The following TRPV2 variants were observed in gnomAD, a reference collection of about 807,000 sequenced individuals.
The protein encoded by TRPV2 is transient receptor potential cation channel subfamily V member 2, also known as OTRPC2.
In TRPV2, 58 loss-of-function variants were observed where a neutral mutation model predicts 91.0. The observed-to-expected ratio is 0.64, with a 90% CI of 0.52 to 0.79. TRPV2 has a LOEUF of 0.79. Ranked by LOEUF, TRPV2 falls within the 30% of genes least tolerant of loss-of-function variation. The probability of loss-of-function intolerance (pLI) is 0.00; values close to 1 mark genes in which losing one functional copy is unlikely to be tolerated. For missense variants in TRPV2, 807 were observed against 969.6 expected, an observed-to-expected ratio of 0.83 and a Z score of 2.23; for synonymous variants, 417 against 414.8, an observed-to-expected ratio of 1.01 and a Z score of -0.06.
chr17:16,425,641 T>C (rs8079010), intron 5 of TRPV2, among the ~76,000 whole-genome samples: 92,264 of 152,098 alleles, frequency 0.61, 28,607 homozygotes, highest in Non-Finnish European at 0.67. Flanking sequence ...GAAAGCAGTG[T>C]CCTGATCTGT....
intron 2 of TRPV2, 26 bp from the exon 3 acceptor site, chr17:16,420,089 T>C: frequency 6.2e-7 from 1 of 1,603,972 alleles, no homozygotes; most frequent in Non-Finnish European, 8.5e-7. Context: ...TTCTCCAGCA[T>C]GAGTCACAAA....
intron 12 of TRPV2, 50 bp from the exon 13 acceptor site, chr17:16,433,524 C>T (rs773934778): frequency 1.2e-6 from 2 of 1,601,772 alleles, no homozygotes; most frequent in African/African-American, 1.3e-5. Context: ...GTGCCTTTGC[C>T]CCCAGGCAGG....
rs879004103 is a variant in TRPV2 at position 16,433,485 on chromosome 17, G to A, written c.1990-89G>A. On this transcript the variant is annotated intron_variant, in intron 12 of 14. Transcript: ENST00000338560. ...TTCGCGTTATACTGTGAAGTGCTGCGCGGCACTTCCCTGCTCCGCTTGCCT... is the reference window on the plus strand; with the variant it reads ...TTCGCGTTATACTGTGAAGTGCTGCACGGCACTTCCCTGCTCCGCTTGCCT... 7.1e-6 allele frequency: 11 copies of A among 1,543,702 alleles called. No individual in the cohort carries two copies. The Admixed American group carries it at 1.1e-4, about 16-fold the overall frequency.
intron 5 of TRPV2, among the ~76,000 whole-genome samples, chr17:16,424,470 A>T (rs937294587): frequency 6.6e-6 from 1 of 151,192 alleles, no homozygotes; most frequent in Non-Finnish European, 1.5e-5. Flanking sequence ...AATTTTTTGT[A>T]TTTTTAGTAG....
At position 16,431,813 on chromosome 17, in the gene TRPV2, T is replaced by G. The variant is rs2142998407; in HGVS notation, c.1617T>G (p.Leu539=). ...KVILRDLLRF[L]LIYLVFLFGF... ...TCCTGCGGGACCTGCTGCGCTTCCT[T>G]CTGATCTACTTAGTCTTCCTTTTCG... The change falls in exon 11 of 15, where the codon CTT becomes CTG. Residue 539 remains leucine, a synonymous_variant. Transcript: ENST00000338560. 8.1e-6 allele frequency: 13 copies of G among 1,614,102 alleles called. No individual in the cohort carries two copies. Among genetic ancestry groups the G allele is most frequent in the Non-Finnish European group, 1.1e-5 (13 of 1,179,988 alleles).
chr17:16,423,755 G>A lies in TRPV2; in HGVS notation c.912G>A (p.Glu304=). 1.3e-6 allele frequency: 2 copies of A among 1,579,926 alleles called. No individual in the cohort carries two copies. Among genetic ancestry groups the A allele is most frequent in the Non-Finnish European group, 1.7e-6 (2 of 1,158,780 alleles). The change falls in exon 5 of 15, where the codon GAG becomes GAA. Residue 304 remains glutamate, a synonymous_variant. Coordinates refer to ENST00000338560, the MANE Select transcript of TRPV2 (RefSeq NM_016113.5). ...DLTPLKLAAK[E]GKIEIFRHIL... ...CGCCTCTGAAGCTGGCCGCCAAGGA[G>A]GGCAAGATCGAGGTGAGCGGCTGTC...
At chr17:16,418,168 A>G (rs1034316787) in intron 2 of TRPV2, among the ~76,000 whole-genome samples, 5 of 151,742 alleles carry the variant, frequency 3.3e-5, no homozygotes, top group Non-Finnish European at 7.4e-5. Context: ...GTTCATGCCA[A>G]CTCCCACCCC....
At chr17:16,434,467 CAAA>C (rs10634588) in intron 13 of TRPV2, among the ~76,000 whole-genome samples, 2 of 109,760 alleles carry the variant, frequency 1.8e-5, no homozygotes. Flanking sequence ...GACTCCATCT[CAAA>C]AAAAAAAAAA....
Position 16,435,049 on chromosome 17 carries a change from G to GTCCT in TRPV2, c.2194+80_2194+81insTCCT. The GTCCT allele has an allele frequency of 3.1e-6, 4 of 1,281,112 alleles. No homozygotes were observed. The highest frequency in any genetic ancestry group is 4.3e-6 in the Non-Finnish European group (4 of 931,286). The allele number at this position is 1,281,112 out of a possible 1,614,324, so 79.4% of individuals were successfully genotyped here. ...GGCCACAAAGCCTTGGAGAGTCTGG[G>GTCCT]GCAGGACCCAGAGACCTCCTCATAG... On this transcript the variant is annotated intron_variant, in intron 14 of 14. Transcript: ENST00000338560. This position sits in a 1 kb window ranked among gnomAD's most constrained non-coding sequence, Gnocchi z 4.2.
chr17:16,425,881 C>T (rs1018028108), intron 5 of TRPV2, among the ~76,000 whole-genome samples: 7 of 152,268 alleles, frequency 4.6e-5, no homozygotes, highest in African/African-American at 1.4e-4. Flanking sequence ...GAAGGAAGAG[C>T]CAGGCTGGCT....
chr17:16,436,500 T>TC (rs1248117514), intron 14 of TRPV2, among the ~76,000 whole-genome samples: 1 of 152,088 alleles, frequency 6.6e-6, no homozygotes, highest in African/African-American at 2.4e-5. Context: ...TCCTCTGAGC[T>TC]CCCCCAGCAT....
Position 16,435,090 on chromosome 17 carries a change from C to A in TRPV2, c.2194+121C>A, listed in dbSNP as rs1020730398. 7.3e-5 allele frequency: 50 copies of A among 685,340 alleles called. No homozygotes were observed. Among genetic ancestry groups the A allele is most frequent in the Non-Finnish European group, 1.1e-4 (46 of 432,672 alleles). The allele number at this position is 685,340 out of a possible 1,614,324, so 42.5% of individuals were successfully genotyped here. A position where few individuals can be genotyped will look rare whatever the true frequency, so the allele number is the denominator to read the frequency against. On this transcript the variant is annotated intron_variant, in intron 14 of 14. Coordinates refer to ENST00000338560, the MANE Select transcript of TRPV2 (RefSeq NM_016113.5). This position sits in a 1 kb window ranked among gnomAD's most constrained non-coding sequence, Gnocchi z 4.2. ...CTCCTCATAGTCCCTTTGCAGATCC[C>A]CACATGCCAGCTCCTCTTAGAGGGA...
Position 16,417,861 on chromosome 17 carries a change from G to A in TRPV2, c.193G>A (p.Gly65Ser), listed in dbSNP as rs1027095326. Residue 65 changes from glycine (G) to serine (S), a missense_variant, in exon 2 of 15, where the codon GGT (glycine) becomes AGT (serine). Transcript: ENST00000338560. ...RVNLNYRKGT[G>S]ASQPDPNRFD... ...CAACCTCAACTACCGAAAGGGAACA[G>A]GTGCCAGGTGAGACAGCAAGTGGGG... The A allele has an allele frequency of 2.9e-5, 46 of 1,613,830 alleles. No homozygotes were observed. The highest frequency in any genetic ancestry group is 3.7e-5 in the Non-Finnish European group (44 of 1,179,912).
intron 3 of TRPV2, among the ~76,000 whole-genome samples, chr17:16,421,729 T>C (rs544684311): frequency 8.3e-4 from 124 of 148,920 alleles, no homozygotes; most frequent in African/African-American, 3.0e-3. Flanking sequence ...ACCATGTTGG[T>C]CAGGCTGGTC....
intron 1 of TRPV2, among the ~76,000 whole-genome samples, 159 bp from the exon 2 acceptor site, chr17:16,417,403 G>C (rs927118325): frequency 8.6e-5 from 13 of 151,782 alleles, no homozygotes; most frequent in African/African-American, 2.7e-4. Context: ...ACCATGCCCA[G>C]CTAATTTTTG....
At chr17:16,436,620 A>C (rs1048091461) in intron 14 of TRPV2, among the ~76,000 whole-genome samples, 169 bp from the exon 15 acceptor site, 1 of 152,096 alleles carries the variant, frequency 6.6e-6, no homozygotes, top group Non-Finnish European at 1.5e-5. Context: ...GGGATTGGGA[A>C]ATGCTTGTGG....
Position 16,435,156 on chromosome 17 carries a change from C to T in TRPV2, c.2194+187C>T, listed in dbSNP as rs2093430060. On this transcript the variant is annotated intron_variant, in intron 14 of 14. Transcript: ENST00000338560. This position sits in a 1 kb window ranked among gnomAD's most constrained non-coding sequence, Gnocchi z 4.2. ...AGTGGTTCCCTCCTTTCCTTTCCAC[C>T]CACACCTTGCTTTCAGGCAGGAACC... 6.6e-6 allele frequency among the ~76,000 whole-genome samples: 1 copy of T among 150,834 alleles called. No individual in the cohort carries two copies. Among genetic ancestry groups the T allele is most frequent in the African/African-American group, 2.5e-5 (1 of 40,180 alleles).
In TRPV2 at chr17:16,426,384, T is replaced by C; in HGVS notation, c.1095+115T>C. On this transcript the variant is annotated intron_variant, in intron 6 of 14. Coordinates refer to ENST00000338560, the MANE Select transcript of TRPV2 (RefSeq NM_016113.5). The surrounding 1 kb of genome is among the most constrained non-coding windows in gnomAD (Gnocchi z 6.0). ...TGCCCCATTCCTGTGCCAGTGGGGG[T>C]GTGGCTGCATGTCCCAGCAGGCACG... 1.6e-6 allele frequency: 2 copies of C among 1,285,900 alleles called. No individual in the cohort carries two copies. The highest frequency in any genetic ancestry group is 2.1e-6 in the Non-Finnish European group (2 of 936,426). The allele number at this position is 1,285,900 out of a possible 1,614,324, so 79.7% of individuals were successfully genotyped here.
Position 16,417,826 on chromosome 17 carries a change from A to G in TRPV2, c.158A>G (p.Gln53Arg). Reference protein sequence around the residue: ...FQGEDRKFAPQIRVNLNYRKG... With the variant: ...FQGEDRKFAPRIRVNLNYRKG... The stretch of plus-strand genomic sequence containing the variant: ...GGCGAGGACCGGAAATTCGCCCCTC[A>G]GATAAGAGTCAACCTCAACTACCGA... The change falls in exon 2 of 15, where the codon CAG (glutamine) becomes CGG (arginine). Residue 53 changes from glutamine (Q) to arginine (R), a missense_variant. Gln to Arg is a conservative substitution (Grantham distance 43, BLOSUM62 1). Transcript: ENST00000338560. The G allele has an allele frequency of 6.2e-7, 1 of 1,614,192 alleles. No homozygotes were observed. The highest frequency in any genetic ancestry group is 8.5e-7 in the Non-Finnish European group (1 of 1,180,018).
Sources: gnomAD v4.1 joint callset for allele counts (sites outside exome capture counted in the v4.1 genomes callset) on GRCh38, gnomAD v4.1.1 for gene constraint, Gnocchi (gnomAD v3.1) non-coding constraint, MANE v1.5 for transcripts, NCBI Gene and HGNC (gene_info 2026-07-23, HGNC 2026-07-21) for gene names.